Variants in SRFBP1 observed in about 807,000 individuals in gnomAD.
SRFBP1 encodes the protein serum response factor binding protein 1.
A neutral mutation model predicts 45.5 loss-of-function variants in SRFBP1; 47 were observed. The ratio of observed to expected loss-of-function variants is 1.03; its 90% CI spans 0.82 to 1.32. The LOEUF is 1.32. Ranked by LOEUF, SRFBP1 falls within the 40% of genes most tolerant of loss-of-function variation. The probability of loss-of-function intolerance (pLI) is 0.00; values close to 1 mark genes in which losing one functional copy is unlikely to be tolerated. For missense variants in SRFBP1, 621 were observed against 484.6 expected, an observed-to-expected ratio of 1.28 and a Z score of -2.64; for synonymous variants, 203 against 166.3, an observed-to-expected ratio of 1.22 and a Z score of -1.70.
intron 2 of SRFBP1, among the ~76,000 whole-genome samples, chr5:122,046,307 T>C (rs1034953862): frequency 1.3e-5 from 2 of 152,196 alleles, no homozygotes; most frequent in Non-Finnish European, 2.9e-5. Flanking sequence ...TTTGGTTTTT[T>C]GTCCTTGTGA....
chr5:121,971,063 T>C (rs958857656), intron 1 of SRFBP1, among the ~76,000 whole-genome samples: 2 of 151,872 alleles, frequency 1.3e-5, no homozygotes, highest in African/African-American at 4.8e-5. Flanking sequence ...AAAGGCTTTG[T>C]AGTAGACGTG....
chr5:122,077,415 CATA>C, downstream of SRFBP1: 1 of 1,614,104 alleles, frequency 6.2e-7, no homozygotes, highest in Non-Finnish European at 8.5e-7. The surrounding 1 kb of genome is among the most constrained non-coding windows in gnomAD (Gnocchi z 4.9). Context: ...CTGGGCCTTT[CATA>C]AGTATCGTAG....
chr5:122,036,363 A>G (rs1753692401), intron 2 of SRFBP1, among the ~76,000 whole-genome samples: 1 of 152,066 alleles, frequency 6.6e-6, no homozygotes, highest in South Asian at 2.1e-4. Context: ...GACCCCAAGG[A>G]TCAGGTGAGC....
At chr5:122,049,308 TTCAAC>T (rs1753924947) in intron 2 of SRFBP1, among the ~76,000 whole-genome samples, 1 of 152,134 alleles carries the variant, frequency 6.6e-6, no homozygotes, top group African/African-American at 2.4e-5. Context: ...AAGGGATCAA[TTCAAC>T]AAGAAGAGCT....
intron 4 of SRFBP1, among the ~76,000 whole-genome samples, chr5:122,010,208 G>A (rs1005086836): frequency 3.9e-5 from 6 of 152,062 alleles, no homozygotes; most frequent in African/African-American, 1.4e-4. Context: ...TTAGAGGAAG[G>A]TTCATTTTTT....
intron 2 of SRFBP1, among the ~76,000 whole-genome samples, chr5:122,045,812 T>A (rs1753845808): frequency 6.6e-6 from 1 of 152,226 alleles, no homozygotes; most frequent in Middle Eastern, 3.2e-3. Context: ...CAGAAATATT[T>A]TAACTTTCTC....
At chr5:121,990,427 C>A (rs74423882) in intron 3 of SRFBP1, among the ~76,000 whole-genome samples, 5,818 of 152,146 alleles carry the variant, frequency 0.038, 320 homozygotes, top group African/African-American at 0.12. Context: ...GGACTACTAG[C>A]GGGTGGAGTG....
At chr5:122,034,646 T>G (rs996633845) in intron 2 of SRFBP1, among the ~76,000 whole-genome samples, 7 of 152,148 alleles carry the variant, frequency 4.6e-5, no homozygotes, top group African/African-American at 7.2e-5. Context: ...TAACCTATTA[T>G]TATTATACCC....
intron 2 of SRFBP1, among the ~76,000 whole-genome samples, chr5:122,068,438 A>G (rs1301087547): frequency 6.6e-6 from 1 of 152,100 alleles, no homozygotes; most frequent in Non-Finnish European, 1.5e-5. Flanking sequence ...ATCTCACCAC[A>G]TTTTATTTTA....
At chr5:122,010,340 T>C (rs1375970009) in intron 4 of SRFBP1, among the ~76,000 whole-genome samples, 2 of 152,120 alleles carry the variant, frequency 1.3e-5, no homozygotes, top group African/African-American at 2.4e-5. Context: ...ATAGGACATA[T>C]ACATATGGTG....
At chr5:122,066,805 G>T in intron 2 of SRFBP1, 1 of 1,082,424 alleles carries the variant, frequency 9.2e-7, no homozygotes, top group Non-Finnish European at 1.4e-6. Context: ...TAATGAATGA[G>T]TACAACAGAC....
In SRFBP1 at chr5:122,071,465, T is replaced by C. The variant is rs749570013; in HGVS notation, n.312-3850T>C. ...TTGAAGGGGTAAATGCATGACTAAA[T>C]TGATGAATGCCACATCACTCCACTT... is the stretch of plus-strand genomic sequence containing the variant. On this transcript the variant is annotated intron_variant and non_coding_transcript_variant, in intron 2 of 2. Coordinates refer to the SRFBP1 transcript ENST00000504881. 3.7e-4 allele frequency among the ~76,000 whole-genome samples: 56 copies of C among 152,144 alleles called. 2 individuals are homozygous for C. The highest frequency in any genetic ancestry group is 3.2e-3 in the Middle Eastern group (1 of 316).
intron 2 of SRFBP1, among the ~76,000 whole-genome samples, chr5:122,062,273 A>G (rs944314008): frequency 6.6e-6 from 1 of 151,968 alleles, no homozygotes; most frequent in African/African-American, 2.4e-5. Context: ...TGCTCTCCAA[A>G]TTAAAAAGGA....
intron 3 of SRFBP1, among the ~76,000 whole-genome samples, chr5:121,982,637 T>C (rs1274912246): frequency 1.3e-5 from 2 of 151,894 alleles, no homozygotes; most frequent in African/African-American, 2.4e-5. Flanking sequence ...CAGGCCTTTG[T>C]TGGCAAAAGA....
downstream of SRFBP1, chr5:122,077,480 TCGCCC>T: frequency 6.2e-7 from 1 of 1,613,958 alleles, no homozygotes; most frequent in South Asian, 1.1e-5. This position sits in a 1 kb window ranked among gnomAD's most constrained non-coding sequence, Gnocchi z 4.9. Flanking sequence ...GTAAGGGTCG[TCGCCC>T]ACCATGCCGT....
chr5:122,004,499 A>G (rs181807268), intron 4 of SRFBP1, among the ~76,000 whole-genome samples: 13 of 152,164 alleles, frequency 8.5e-5, no homozygotes, highest in South Asian at 2.1e-4. Flanking sequence ...TAGTGTTTCT[A>G]TGGTCATCAG....
intron 3 of SRFBP1, among the ~76,000 whole-genome samples, chr5:121,976,051 G>T (rs1752296268): frequency 6.6e-6 from 1 of 151,858 alleles, no homozygotes; most frequent in Non-Finnish European, 1.5e-5. Flanking sequence ...TAATTGCAGG[G>T]TCATTTTGCA....
intron 4 of SRFBP1, among the ~76,000 whole-genome samples, chr5:122,016,442 C>A (rs1419678641): frequency 6.6e-6 from 1 of 152,080 alleles, no homozygotes; most frequent in Admixed American, 6.5e-5. Context: ...GTTTGACTTC[C>A]AGAATTAAAG....
chr5:121,961,987 A>G lies in SRFBP1; in HGVS notation c.-46A>G. ...TGGCGACGCAGCCGCGGTCTGAGAGACCGGTTCACGTGCAGGCAGCGGCGG... is the reference window on the plus strand; with the variant it reads ...TGGCGACGCAGCCGCGGTCTGAGAGGCCGGTTCACGTGCAGGCAGCGGCGG... On this transcript the variant is annotated 5_prime_UTR_variant, in exon 1 of 8. Transcript: ENST00000339397. The G allele has an allele frequency of 6.2e-7, 1 of 1,613,332 alleles. No individual in the cohort carries two copies. Among genetic ancestry groups the G allele is most frequent in the Non-Finnish European group, 8.5e-7 (1 of 1,179,810 alleles).
Sources: allele counts gnomAD v4.1 joint callset (sites outside exome capture counted in the v4.1 genomes callset), GRCh38; gene constraint gnomAD v4.1.1; non-coding constraint Gnocchi (gnomAD v3.1); transcripts MANE v1.5; gene names NCBI Gene and HGNC (gene_info 2026-07-23, HGNC 2026-07-21).